NUMB: variants seen among roughly 807,000 people sequenced by gnomAD.
The protein encoded by NUMB is NUMB endocytic adaptor protein.
Under a neutral mutation model 59.7 loss-of-function variants are expected in NUMB, and 29 were observed. The ratio of observed to expected loss-of-function variants is 0.49; its 90% CI spans 0.36 to 0.66. NUMB has a LOEUF of 0.66. Among genes scored for constraint, NUMB ranks in the 30% least tolerant of loss-of-function variants. NUMB has a pLI of 0.00. For synonymous variants in NUMB, 288 were observed against 288.2 expected, an observed-to-expected ratio of 1.00 and a Z score of 0.01; for missense variants, 723 against 822.0, an observed-to-expected ratio of 0.88 and a Z score of 1.47.
intron 1 of NUMB, among the ~76,000 whole-genome samples, chr14:73,421,565 C>A (rs560583539): frequency 6.6e-5 from 10 of 152,242 alleles, no homozygotes; most frequent in African/African-American, 2.4e-4. Flanking sequence ...GAAATAGACA[C>A]TTGCACCTAT....
At chr14:73,381,144 AT>A (rs1243878561) in intron 2 of NUMB, among the ~76,000 whole-genome samples, 1 of 152,238 alleles carries the variant, frequency 6.6e-6, no homozygotes, top group Non-Finnish European at 1.5e-5. Context: ...AAGACAACTA[AT>A]ACTTAAACTC....
At chr14:73,379,196 AT>A (rs1895111166) in intron 2 of NUMB, among the ~76,000 whole-genome samples, 1 of 152,238 alleles carries the variant, frequency 6.6e-6, no homozygotes, top group South Asian at 2.1e-4. Context: ...TCTAAATCTT[AT>A]CAAAAATCAT....
In NUMB at chr14:73,407,645, C is replaced by A. The variant is rs182971097; in HGVS notation, c.-101+2292G>T. ...AAGTACTAGGGAAATAGTGCTGAAC[C>A]GACTCTGTTAAATTAAACTCATTAT... On this transcript the variant is annotated intron_variant, in intron 2 of 12. Transcript: ENST00000555238. Among the ~76,000 whole-genome samples the A allele has an allele frequency of 4.1e-4, 62 of 152,164 alleles. 1 individual carries two copies. The highest frequency in any genetic ancestry group is 1.4e-3 in the African/African-American group (60 of 41,520).
At chr14:73,279,170 T>G in intron 12 of NUMB, 111 bp downstream of exon 12, 2 of 1,240,672 alleles carry the variant, frequency 1.6e-6, no homozygotes, top group Non-Finnish European at 1.2e-6. Flanking sequence ...GGGAACATAG[T>G]TTTCCTGAAA....
intron 1 of NUMB, among the ~76,000 whole-genome samples, chr14:73,421,434 C>T (rs1381980714): frequency 6.6e-6 from 1 of 152,108 alleles, no homozygotes; most frequent in Non-Finnish European, 1.5e-5. Flanking sequence ...CTGCCTCAGC[C>T]TCCCAAAGTG....
intron 2 of NUMB, among the ~76,000 whole-genome samples, chr14:73,380,143 T>G (rs1306488535): frequency 1.3e-5 from 2 of 152,200 alleles, no homozygotes; most frequent in Non-Finnish European, 2.9e-5. Flanking sequence ...ATCTGAAGCC[T>G]AGCTGCAACA....
intron 1 of NUMB, among the ~76,000 whole-genome samples, chr14:73,414,200 C>A (rs569736873): frequency 6.6e-6 from 1 of 152,156 alleles, no homozygotes; most frequent in South Asian, 2.1e-4. Flanking sequence ...CAAGTGATTA[C>A]CCACCTCAGC....
chr14:73,386,545 T>A (rs1321753562), intron 2 of NUMB, among the ~76,000 whole-genome samples: 1 of 152,142 alleles, frequency 6.6e-6, no homozygotes, highest in African/African-American at 2.4e-5. Context: ...ATACAGTGAC[T>A]ACTCTGCCTG....
intron 6 of NUMB, among the ~76,000 whole-genome samples, chr14:73,312,895 C>T (rs1890854364): frequency 6.6e-6 from 1 of 152,026 alleles, no homozygotes; most frequent in Admixed American, 6.6e-5. Context: ...TTTGTTGTTG[C>T]TGTTGTTAAA....
chr14:73,342,143 C>T lies in NUMB; in HGVS notation c.126+13483G>A, dbSNP rs570582817. On this transcript the variant is annotated intron_variant, in intron 4 of 12. Transcript: ENST00000555238. Reference sequence around the variant, plus strand: ...AACCCCTGGGCCCAAGTGATCCTCCCGCCTCGGCCTCCCATAGTGCTGGGA... The same window carrying T: ...AACCCCTGGGCCCAAGTGATCCTCCTGCCTCGGCCTCCCATAGTGCTGGGA... 9.4e-4 allele frequency among the ~76,000 whole-genome samples: 143 copies of T among 152,330 alleles called. 1 individual carries two copies. The highest frequency in any genetic ancestry group is 2.5e-4 in the Non-Finnish European group (17 of 68,024).
At chr14:73,440,555 A>T (rs947950369) in intron 1 of NUMB, among the ~76,000 whole-genome samples, 5 of 151,958 alleles carry the variant, frequency 3.3e-5, no homozygotes, top group Non-Finnish European at 7.4e-5. Flanking sequence ...GCAACAAAAA[A>T]AACAAATCGG....
intron 6 of NUMB, chr14:73,298,159 G>C (rs1457480239): frequency 6.6e-6 from 1 of 152,456 alleles, no homozygotes; most frequent in East Asian, 1.9e-4. Flanking sequence ...AAAGTGCTGG[G>C]ATTACAGGTG....
chr14:73,402,551 T>C (rs1007354193), intron 2 of NUMB, among the ~76,000 whole-genome samples: 12 of 152,204 alleles, frequency 7.9e-5, no homozygotes, highest in Admixed American at 4.6e-4. Context: ...GTCTGTGCTC[T>C]CTCACTCTAC....
At chr14:73,452,411 T>C (rs1391564677) in intron 1 of NUMB, among the ~76,000 whole-genome samples, 1 of 151,736 alleles carries the variant, frequency 6.6e-6, no homozygotes, top group Admixed American at 6.6e-5. Context: ...TCCCAGCAAC[T>C]GGAGAGGCTG....
chr14:73,321,959 T>C (rs1891426964), intron 5 of NUMB, among the ~76,000 whole-genome samples: 1 of 152,222 alleles, frequency 6.6e-6, no homozygotes. Flanking sequence ...TCTGACTTGG[T>C]TGCTTTTTCT....
In NUMB at chr14:73,372,305, TTATATATATATATATA is replaced by T. The variant is rs3028704; in HGVS notation, c.-100-5340_-100-5325del. 2.9e-4 allele frequency among the ~76,000 whole-genome samples: 25 copies of T among 85,984 alleles called. 1 individual carries two copies. In the East Asian group the frequency reaches 3.2e-3, roughly 11 times the overall value. 56.4% of individuals were successfully genotyped at this position (85,984 alleles called of 152,430 possible). A position where few individuals can be genotyped will look rare whatever the true frequency, so the allele number is the denominator to read the frequency against. On this transcript the variant is annotated intron_variant, in intron 2 of 12. Transcript: ENST00000555238. ...AAGTTGGAATATATATATATTTCTTTTATATATATATATATATATATATATATATATAACCTTTTAT... is the reference window on the plus strand; with the variant it reads ...AAGTTGGAATATATATATATTTCTTTTATATATATATATATAACCTTTTAT...
chr14:73,345,010 G>T (rs930377231), intron 4 of NUMB, among the ~76,000 whole-genome samples: 1 of 152,128 alleles, frequency 6.6e-6, no homozygotes, highest in African/African-American at 2.4e-5. Flanking sequence ...ATACCCGAGG[G>T]AATACAAATT....
At chr14:73,339,583 G>C (rs1013611853) in intron 4 of NUMB, among the ~76,000 whole-genome samples, 5 of 152,042 alleles carry the variant, frequency 3.3e-5, no homozygotes, top group African/African-American at 9.7e-5. Flanking sequence ...ATAGACATGG[G>C]GTTTTGCTAT....
intron 7 of NUMB, 90 bp from the exon 8 acceptor site, chr14:73,292,964 C>G (rs1041219984): frequency 1.6e-6 from 2 of 1,278,408 alleles, no homozygotes; most frequent in Admixed American, 1.9e-5. Flanking sequence ...GATGCACAAT[C>G]CATACATCTG....
Sources: allele counts gnomAD v4.1 joint callset (sites outside exome capture counted in the v4.1 genomes callset), GRCh38; gene constraint gnomAD v4.1.1; transcripts MANE v1.5; gene names NCBI Gene and HGNC (gene_info 2026-07-23, HGNC 2026-07-21).